Variants in LTBP4 observed in about 807,000 individuals in gnomAD.
LTBP4 encodes latent transforming growth factor beta binding protein 4, also known as latent-transforming growth factor beta-binding protein 4.
In LTBP4, 93 loss-of-function variants were observed where a neutral mutation model predicts 180.2. That is an observed-to-expected ratio of 0.52 (90% CI 0.44 to 0.61). The LOEUF is 0.61. LTBP4 is among the 20% of genes least tolerant of loss of function. The pLI, the probability that LTBP4 is intolerant of heterozygous loss-of-function variation, is 0.00. For synonymous variants in LTBP4, 947 were observed against 934.5 expected, an observed-to-expected ratio of 1.01 and a Z score of -0.24; for missense variants, 2,116 against 2,256.5, an observed-to-expected ratio of 0.94 and a Z score of 1.26.
intron 19 of LTBP4, 50 bp from the exon 20 acceptor site, chr19:40,616,839 T>C: frequency 6.2e-7 from 1 of 1,606,872 alleles, no homozygotes; most frequent in Non-Finnish European, 8.5e-7. Context: ...GTGTTAGAAC[T>C]TCTGAATTCA....
chr19:40,625,931 G>A lies in LTBP4; in HGVS notation c.3907G>A (p.Ala1303Thr), dbSNP rs1328806216. ...CAGCCACCCTCGGCTGGACCGTCAG[G>A]CCACCTACACAGAGTGCTGCTGCCT... ...VCSHPRLDRQ[A>T]TYTECCCLYG... The change falls in exon 27 of 30, where the codon GCC (alanine) becomes ACC (threonine). Residue 1303 changes from alanine to threonine, a missense_variant. Physicochemically the swap from Ala to Thr is moderately conservative, Grantham distance 58. Around this residue, in one of 5 missense-constraint regions of LTBP4, gnomAD observed 488 missense variants for 458.8 expected, o/e 1.06. Coordinates refer to ENST00000396819, the MANE Select transcript of LTBP4 (RefSeq NM_001042545.2). The A allele has an allele frequency of 2.5e-6, 4 of 1,605,354 alleles. No homozygotes were observed. In the African/African-American group the frequency reaches 4.0e-5, roughly 16 times the overall value.
rs1301521602 is a variant in LTBP4, at chr19:40,627,766, C to A, written c.4428C>A (p.Cys1476Ter). 1 of 1,587,162 alleles carries A rather than the reference C, an allele frequency of 6.3e-7. No individual in the cohort carries two copies. The highest frequency in any genetic ancestry group is 1.8e-5 in the Admixed American group (1 of 56,542). Residue 1476 changes from cysteine to a stop codon, truncating the protein, a stop_gained, in exon 29 of 30, where the codon TGC (cysteine) becomes TGA (stop). Coordinates refer to ENST00000396819, the MANE Select transcript of LTBP4 (RefSeq NM_001042545.2). LOFTEE classifies it high-confidence loss of function. ...AGGAGTGCGGGATCCTGGACGGCTG[C>A]ACCAACGGCCGCTGCGTGCGCGTCC... Reference protein sequence around the residue: ...EAEECGILDGCTNGRCVRVPE... With the variant: ...EAEECGILDG
chr19:40,599,945 G>T, upstream of LTBP4: 2 of 470,778 alleles, frequency 4.2e-6, no homozygotes, highest in Non-Finnish European at 3.7e-6. Flanking sequence ...CCCATAAATA[G>T]GTGTTGTGGG....
rs2303726 is a variant in LTBP4, at chr19:40,614,373, C to T, written c.2739C>T (p.Asn913=). 6.5e-5 allele frequency: 104 copies of T among 1,600,540 alleles called. No individual in the cohort carries two copies. In the East Asian group the frequency reaches 2.0e-3, roughly 30 times the overall value. ...TGTGCGGGTCGCAGCGCTGTGAGAA[C>T]TCTCCCGGCTCCTACCGCTGTGTCC... ...PALCGSQRCE[N]SPGSYRCVRD... Residue 913 remains asparagine, a synonymous_variant, in exon 19 of 30, where the codon AAC becomes AAT. Coordinates refer to ENST00000396819, the MANE Select transcript of LTBP4 (RefSeq NM_001042545.2).
At position 40,627,098 on chromosome 19, in the gene LTBP4, AT is replaced by A. The variant is rs1190135666; in HGVS notation, c.4110del (p.Tyr1370Ter). ...GGTCCACCTTACCAGGGCCTCCCAT[AT>A]GGGCCTGAGTTGTACCCACCACCTG... ...DLGPPYQGLP[Y>X]GPELYPPPAL... On this transcript the variant is annotated frameshift_variant, in exon 28 of 30. Transcript: ENST00000396819. LOFTEE classifies it high-confidence loss of function. 1 of 1,613,626 alleles carries A rather than the reference AT, an allele frequency of 6.2e-7. No homozygotes were observed. Among genetic ancestry groups the A allele is most frequent in the African/African-American group, 1.3e-5 (1 of 74,846 alleles).
At chr19:40,625,273 TATATATATATATATATATATATATATATA>T (rs1253324745) in intron 26 of LTBP4, among the ~76,000 whole-genome samples, 1,176 of 11,054 alleles carry the variant, frequency 0.11, 246 homozygotes, top group African/African-American at 0.19. Context: ...TATATATATA[TATATATATATATATATATATATATATATA>T]TATATATATA....
At chr19:40,598,281 G>A (rs1007507336), upstream of LTBP4, among the ~76,000 whole-genome samples, 3 of 152,054 alleles carry the variant, frequency 2.0e-5, no homozygotes, top group Non-Finnish European at 2.9e-5. Flanking sequence ...GCAAGATCGG[G>A]GATCCCCGAG....
chr19:40,625,825 C>A, intron 26 of LTBP4, 32 bp from the exon 27 acceptor site: 2 of 1,511,934 alleles, frequency 1.3e-6, no homozygotes, highest in Non-Finnish European at 8.9e-7. Context: ...GAGTGCCAGG[C>A]CCACTCTGAC....
chr19:40,608,459 C>T, intron 8 of LTBP4, 25 bp from the exon 9 acceptor site: 1 of 1,592,928 alleles, frequency 6.3e-7, no homozygotes, highest in Non-Finnish European at 8.5e-7. Context: ...TTGGGCTCCA[C>T]TCGTTGATAC....
At position 40,622,753 on chromosome 19, in the gene LTBP4, TG is replaced by T. The variant is rs1218838184; in HGVS notation, c.3484+88del. 1.3e-6 allele frequency: 2 copies of T among 1,489,570 alleles called. No individual in the cohort carries two copies. The highest frequency in any genetic ancestry group is 1.8e-6 in the Non-Finnish European group (2 of 1,115,612). 92.3% of individuals were successfully genotyped at this position (1,489,570 alleles called of 1,614,324 possible). On this transcript the variant is annotated intron_variant, in intron 23 of 29. Transcript: ENST00000396819. The surrounding 1 kb of genome is among the most constrained non-coding windows in gnomAD (Gnocchi z 5.1). The stretch of plus-strand genomic sequence containing the variant: ...GTGGGCCTGGGACAGGGGACACTTT[TG>T]GACAGGGCCTTGAGGTACTAGTACT...
At position 40,609,565 on chromosome 19, in the gene LTBP4, G is replaced by T. The variant is rs761958842; in HGVS notation, c.1462G>T (p.Val488Phe). ...CGGCATGTGTCAGCGCAACCCCCAGGTCTGCGGCCCAGGACGCTGCATTTC... is the reference window on the plus strand; with the variant it reads ...CGGCATGTGTCAGCGCAACCCCCAGTTCTGCGGCCCAGGACGCTGCATTTC... ...SSGMCQRNPQ[V>F]CGPGRCISRP... is the part of the protein sequence containing the mutation. The change falls in exon 10 of 30, where the codon GTC becomes TTC. Residue 488 changes from valine to phenylalanine, a missense_variant. Coordinates refer to ENST00000396819, the MANE Select transcript of LTBP4 (RefSeq NM_001042545.2). This position sits in a 1 kb window ranked among gnomAD's most constrained non-coding sequence, Gnocchi z 4.9. 1 of 1,613,464 alleles carries T rather than the reference G, an allele frequency of 6.2e-7. No individual in the cohort carries two copies. The highest frequency in any genetic ancestry group is 1.1e-5 in the South Asian group (1 of 91,086).
At position 40,604,765 on chromosome 19, in the gene LTBP4, C is replaced by T. The variant is rs903669177; in HGVS notation, c.251-270C>T. ...GGCTCAGATGGGAGGATCACTTCAG[C>T]TTAGGAGGTCGAGGCTGCAGAGCCA... On this transcript the variant is annotated intron_variant, in intron 1 of 29. Transcript: ENST00000396819. Among the ~76,000 whole-genome samples the T allele has an allele frequency of 3.3e-5, 5 of 152,160 alleles. No individual in the cohort carries two copies. In the East Asian group the frequency reaches 7.7e-4, roughly 23 times the overall value.
At chr19:40,608,846 G>C (rs1394493509) in intron 9 of LTBP4, 1 of 394,320 alleles carries the variant, frequency 2.5e-6, no homozygotes, top group Non-Finnish European at 4.6e-6. Flanking sequence ...AGGAGGCAGA[G>C]GTTGCAGTGA....
chr19:40,621,883 G>C (rs562114371), intron 22 of LTBP4, among the ~76,000 whole-genome samples: 4 of 152,166 alleles, frequency 2.6e-5, no homozygotes, highest in African/African-American at 7.2e-5. Flanking sequence ...AAGTAGCTGG[G>C]ATTACAGGCA....
At chr19:40,603,885 C>A (rs1208932329) in intron 1 of LTBP4, among the ~76,000 whole-genome samples, 1 of 152,246 alleles carries the variant, frequency 6.6e-6, no homozygotes, top group Non-Finnish European at 1.5e-5. Context: ...GCCCTGCCCC[C>A]GCCGCACCTC....
intron 26 of LTBP4, among the ~76,000 whole-genome samples, chr19:40,624,644 C>T (rs1367673550): frequency 3.9e-5 from 6 of 152,246 alleles, no homozygotes; most frequent in African/African-American, 1.4e-4. Context: ...GGTGATCCGC[C>T]TGCCTTGGCC....
chr19:40,615,295 T>C (rs1409506025), intron 19 of LTBP4: 1 of 149,596 alleles, frequency 6.7e-6, no homozygotes, highest in Non-Finnish European at 1.5e-5. Flanking sequence ...CTCTGACTCA[T>C]GGAAATCTAG....
At chr19:40,606,065 T>C (rs910478802) in intron 4 of LTBP4, among the ~76,000 whole-genome samples, 168 bp from the exon 5 acceptor site, 1 of 152,190 alleles carries the variant, frequency 6.6e-6, no homozygotes, top group African/African-American at 2.4e-5. Flanking sequence ...CCCCACCATA[T>C]ACTTTGGGAG....
chr19:40,618,896 A>G (rs2081567365), intron 21 of LTBP4, among the ~76,000 whole-genome samples: 1 of 152,142 alleles, frequency 6.6e-6, no homozygotes, highest in African/African-American at 2.4e-5. Flanking sequence ...GCTTTCTTCT[A>G]TTGCATGATT....
Sources: gnomAD v4.1 joint callset for allele counts (sites outside exome capture counted in the v4.1 genomes callset) on GRCh38, gnomAD v4.1.1 for gene constraint, gnomAD v4.1.1 regional missense constraint, Gnocchi (gnomAD v3.1) non-coding constraint, MANE v1.5 for transcripts, NCBI Gene and HGNC (gene_info 2026-07-23, HGNC 2026-07-21) for gene names.